The following UNKL variants were observed in gnomAD, a reference collection of about 807,000 sequenced individuals.
UNKL encodes putative E3 ubiquitin-protein ligase UNKL.
UNKL carries 60 observed loss-of-function variants against 78.0 expected under a neutral mutation model. That is an observed-to-expected ratio of 0.77 (90% CI 0.63 to 0.95). UNKL has a LOEUF of 0.95. Ranked by LOEUF, UNKL falls within the 40% of genes least tolerant of loss-of-function variation. The pLI is 0.00. For missense variants in UNKL, 1,159 were observed against 1,045.7 expected, an observed-to-expected ratio of 1.11 and a Z score of -1.49; for synonymous variants, 608 against 474.8, an observed-to-expected ratio of 1.28 and a Z score of -3.65.
At chr16:1,367,632 T>C (rs2035411054) in intron 13 of UNKL, 24 bp downstream of exon 13, 3 of 1,001,762 alleles carry the variant, frequency 3.0e-6, no homozygotes, top group Non-Finnish European at 2.7e-6. Flanking sequence ...CCCCCTCACC[T>C]GTCTGGCCCC....
At chr16:1,372,053 G>A (rs962103209) in intron 10 of UNKL, among the ~76,000 whole-genome samples, 11 of 151,614 alleles carry the variant, frequency 7.3e-5, no homozygotes, top group Non-Finnish European at 1.0e-4. Context: ...TCAGGAGATC[G>A]AGACCATCCT....
At chr16:1,390,524 T>G in intron 9 of UNKL, 108 bp downstream of exon 9, 2 of 1,193,090 alleles carry the variant, frequency 1.7e-6, no homozygotes, top group Middle Eastern at 2.6e-4. Context: ...GGACCAAGGA[T>G]GCATGAGCGC....
intron 10 of UNKL, among the ~76,000 whole-genome samples, chr16:1,376,215 G>A (rs143714681): frequency 6.9e-6 from 1 of 143,978 alleles, no homozygotes; most frequent in Admixed American, 6.9e-5. Context: ...TCCAAGGCTG[G>A]GGCATGCTCC....
rs2035221603 is a variant in UNKL, at chr16:1,366,001, G to A, written c.*239C>T. 4 of 435,238 alleles carry A rather than the reference G, an allele frequency of 9.2e-6. No homozygotes were observed. The allele number at this position is 435,238 out of a possible 1,614,324, so 27.0% of individuals were successfully genotyped here. A position where few individuals can be genotyped will look rare whatever the true frequency, so the allele number is the denominator to read the frequency against. On this transcript the variant is annotated 3_prime_UTR_variant, in exon 15 of 15. Coordinates refer to ENST00000389221, the MANE Select transcript of UNKL (RefSeq NM_001372107.1). ...CGGGTTCTGTGGGTTTGCATTTAAG[G>A]TTTTTGAGGAAAATACCTTGAAACC...
At chr16:1,401,885 A>C (rs2037543373) in intron 3 of UNKL, among the ~76,000 whole-genome samples, 184 bp from the exon 4 acceptor site, 1 of 151,838 alleles carries the variant, frequency 6.6e-6, no homozygotes, top group African/African-American at 2.4e-5. Context: ...CCAAATCCCA[A>C]CCACTTCATT....
At chr16:1,408,275 G>A (rs1222640338) in intron 2 of UNKL, among the ~76,000 whole-genome samples, 3 of 150,962 alleles carry the variant, frequency 2.0e-5, no homozygotes, top group Admixed American at 2.0e-4. Flanking sequence ...CCCCCCCAAC[G>A]ACCAGGACGG....
chr16:1,403,500 G>A lies in UNKL; in HGVS notation c.288-156C>T, dbSNP rs995338313. ...AATCAGAAGGACGGACACACTGGAC[G>A]CAGCACCTGTCCCCAAATGTGGAAC... On this transcript the variant is annotated intron_variant, in intron 2 of 14. Coordinates refer to ENST00000389221, the MANE Select transcript of UNKL (RefSeq NM_001372107.1). The surrounding 1 kb of genome is among the most constrained non-coding windows in gnomAD (Gnocchi z 4.8). Among the ~76,000 whole-genome samples, 3 of 152,028 alleles carry A rather than the reference G, an allele frequency of 2.0e-5. No individual in the cohort carries two copies. Among genetic ancestry groups the A allele is most frequent in the Non-Finnish European group, 4.4e-5 (3 of 67,994 alleles).
intron 2 of UNKL, among the ~76,000 whole-genome samples, chr16:1,409,722 A>T (rs1025073390): frequency 5.9e-5 from 9 of 152,202 alleles, no homozygotes; most frequent in African/African-American, 2.2e-4. Context: ...CCCTGTAAGA[A>T]CTGGATACCA....
chr16:1,393,284 T>C (rs954337733), intron 7 of UNKL, among the ~76,000 whole-genome samples: 9 of 152,206 alleles, frequency 5.9e-5, no homozygotes, highest in South Asian at 4.1e-4. Flanking sequence ...ACACAAAACC[T>C]GGAACCCAAA....
At chr16:1,368,769 C>T (rs2035527885) in intron 12 of UNKL, among the ~76,000 whole-genome samples, 1 of 151,966 alleles carries the variant, frequency 6.6e-6, no homozygotes, top group African/African-American at 2.4e-5. Context: ...GGCGTGGTAG[C>T]AGGTACCTGT....
chr16:1,371,312 A>AGAG (rs896558018), intron 11 of UNKL, among the ~76,000 whole-genome samples: 35 of 152,250 alleles, frequency 2.3e-4, no homozygotes, highest in African/African-American at 8.2e-4. Flanking sequence ...GCAGTCAGGG[A>AGAG]GAGGAGGAGG....
At chr16:1,394,876 G>A (rs1200082229) in intron 6 of UNKL, among the ~76,000 whole-genome samples, 2 of 152,142 alleles carry the variant, frequency 1.3e-5, no homozygotes, top group Non-Finnish European at 2.9e-5. Flanking sequence ...CCGTTTGCTT[G>A]TTCATTTTGT....
intron 10 of UNKL, among the ~76,000 whole-genome samples, chr16:1,380,849 AT>A (rs1401564483): frequency 6.6e-6 from 1 of 151,898 alleles, no homozygotes; most frequent in Non-Finnish European, 1.5e-5. Context: ...TAATTTTTGT[AT>A]TTTTGGTAGA....
chr16:1,379,527 ACGCACCTGGCGGGGGG>A (rs1567213571), intron 10 of UNKL: 7 of 984,558 alleles, frequency 7.1e-6, no homozygotes, highest in Middle Eastern at 5.2e-4. Context: ...GACGCGGGGG[ACGCACCTGGCGGGGGG>A]CGCACCTAAG....
At chr16:1,369,089 G>T (rs1277584593) in intron 12 of UNKL, among the ~76,000 whole-genome samples, 4 of 112,920 alleles carry the variant, frequency 3.5e-5, no homozygotes, top group South Asian at 3.1e-4. Flanking sequence ...TTTTTGAAAT[G>T]GAGTCTAGCT....
intron 6 of UNKL, among the ~76,000 whole-genome samples, chr16:1,396,411 C>T (rs553827360): frequency 8.5e-4 from 129 of 151,294 alleles, no homozygotes; most frequent in African/African-American, 2.9e-3. Flanking sequence ...CTCAGCCTCC[C>T]GAGTAGCTAG....
intron 12 of UNKL, among the ~76,000 whole-genome samples, chr16:1,368,751 A>G (rs572362452): frequency 6.6e-6 from 1 of 151,694 alleles, no homozygotes; most frequent in African/African-American, 2.4e-5. Context: ...AAATACAAAA[A>G]TTAGCCTGGC....
At chr16:1,395,107 A>ACCTCAGGTGATCTGCCTG in intron 6 of UNKL, among the ~76,000 whole-genome samples, 1 of 147,412 alleles carries the variant, frequency 6.8e-6, no homozygotes, top group Middle Eastern at 3.6e-3. Flanking sequence ...CAAACTCCTG[A>ACCTCAGGTGATCTGCCTG]CCTCGGCCCC....
rs2035341780 is a variant in UNKL at position 1,367,161 on chromosome 16, G to A, written c.1977C>T (p.Gly659=). ...LPGLRGCGDI[G]TIPLPKLHSL... ...AGTGCAGCTTCGGCAGGGGAATGGT[G>A]CCGATGTCCCCACAGCCCCGCAGCC... is the stretch of plus-strand genomic sequence containing the variant. Residue 659 remains glycine (G), a synonymous_variant, in exon 14 of 15, where the codon GGC becomes GGT. Transcript: ENST00000389221. The A allele has an allele frequency of 1.2e-6, 2 of 1,604,414 alleles. No individual in the cohort carries two copies. The highest frequency in any genetic ancestry group is 1.3e-5 in the African/African-American group (1 of 74,886).
Sources: allele counts gnomAD v4.1 joint callset (sites outside exome capture counted in the v4.1 genomes callset), GRCh38; gene constraint gnomAD v4.1.1; non-coding constraint Gnocchi (gnomAD v3.1); transcripts MANE v1.5; gene names NCBI Gene and HGNC (gene_info 2026-07-23, HGNC 2026-07-21).